The following HDAC1 variants were observed in gnomAD, a reference collection of about 807,000 sequenced individuals.
The protein encoded by HDAC1 is protein deacetylase HDAC1.
HDAC1 carries 18 observed loss-of-function variants against 65.5 expected under a neutral mutation model. That is an observed-to-expected ratio of 0.27 (90% CI 0.19 to 0.41). The LOEUF is 0.41. Ranked by LOEUF, HDAC1 falls within the 10% of genes least tolerant of loss-of-function variation. The pLI is 1.00. For missense variants in HDAC1, 373 were observed against 625.2 expected (o/e 0.60, Z 4.30); for synonymous variants, 211 against 227.9 (o/e 0.93, Z 0.67).
At chr1:32,308,124 A>G (rs1640936381) in intron 2 of HDAC1, among the ~76,000 whole-genome samples, 1 of 152,236 alleles carries the variant, frequency 6.6e-6, no homozygotes, top group African/African-American at 2.4e-5. Flanking sequence ...GTTTGAGACC[A>G]GCCTGACCAA....
intron 2 of HDAC1, among the ~76,000 whole-genome samples, chr1:32,315,847 C>A (rs548307713): frequency 9.0e-4 from 135 of 150,584 alleles, no homozygotes; most frequent in Admixed American, 2.6e-3. Context: ...CGCCTGTAAT[C>A]CCAACTACTC....
chr1:32,332,443 CCACCCCAGCCCTTTTCCCAGCACTG>C (rs1412447156), intron 12 of HDAC1, among the ~76,000 whole-genome samples: 5 of 152,222 alleles, frequency 3.3e-5, no homozygotes, highest in Non-Finnish European at 7.3e-5. Context: ...CTCTCACATA[CCACCCCAGCCCTTTTCCCAGCACTG>C]CACCCCAGTT....
chr1:32,307,040 G>A (rs1183542707), intron 2 of HDAC1, among the ~76,000 whole-genome samples: 1 of 152,172 alleles, frequency 6.6e-6, no homozygotes, highest in African/African-American at 2.4e-5. Context: ...GAGGTCAGGA[G>A]TTCGAGACCA....
At position 32,327,104 on chromosome 1, in the gene HDAC1, G is replaced by A. The variant is rs769547383; in HGVS notation, c.494+27G>A. 1.2e-6 allele frequency: 2 copies of A among 1,612,508 alleles called. No homozygotes were observed. Among genetic ancestry groups the A allele is most frequent in the East Asian group, 4.5e-5 (2 of 44,848 alleles). On this transcript the variant is annotated intron_variant, in intron 5 of 13. Coordinates refer to ENST00000373548, the MANE Select transcript of HDAC1 (RefSeq NM_004964.3). This position sits in a 1 kb window ranked among gnomAD's most constrained non-coding sequence, Gnocchi z 6.0. The stretch of plus-strand genomic sequence containing the variant: ...TATGCCTGCCTGGCCTTGTCTCTTG[G>A]AAGAGCACCTTAGGCCAGGTTCCCA...
intron 3 of HDAC1, among the ~76,000 whole-genome samples, chr1:32,321,230 CAA>C (rs112104314): frequency 1.5e-5 from 2 of 136,390 alleles, no homozygotes; most frequent in African/African-American, 2.6e-5. Flanking sequence ...GACTCTGTCT[CAA>C]AAAAAAAAAA....
chr1:32,317,364 A>AG (rs1480941018), intron 3 of HDAC1, among the ~76,000 whole-genome samples: 3 of 152,230 alleles, frequency 2.0e-5, no homozygotes, highest in South Asian at 2.1e-4. Flanking sequence ...TTTAGCTGTG[A>AG]GGGGGAAAAA....
At chr1:32,332,436 T>C (rs1051823942) in intron 12 of HDAC1, among the ~76,000 whole-genome samples, 194 bp downstream of exon 12, 4 of 152,184 alleles carry the variant, frequency 2.6e-5, no homozygotes, top group African/African-American at 9.6e-5. Context: ...AGCACGGCTC[T>C]CACATACCAC....
At chr1:32,301,211 C>T (rs1640842708) in intron 1 of HDAC1, among the ~76,000 whole-genome samples, 1 of 151,810 alleles carries the variant, frequency 6.6e-6, no homozygotes, top group African/African-American at 2.4e-5. Context: ...CTTTGGGAGG[C>T]CGAGGCGGGC....
chr1:32,304,821 C>G lies in HDAC1; in HGVS notation c.162+2088C>G, dbSNP rs112821347. Among the ~76,000 whole-genome samples, 357 of 152,272 alleles carry G rather than the reference C, an allele frequency of 2.3e-3. 2 individuals carry two copies. The highest frequency in any genetic ancestry group is 0.018 in the South Asian group (85 of 4,832). On this transcript the variant is annotated intron_variant, in intron 2 of 13. Transcript: ENST00000373548. ...CAAAGCAATCCGCCTGCCTCGGCCT[C>G]CCAAAGTGCTGGGATTACAGGCATG... is the stretch of plus-strand genomic sequence containing the variant.
At chr1:32,307,195 A>T (rs1385403782) in intron 2 of HDAC1, among the ~76,000 whole-genome samples, 1 of 152,192 alleles carries the variant, frequency 6.6e-6, no homozygotes, top group Non-Finnish European at 1.5e-5. Context: ...CAGTGAGCTG[A>T]GATCTCACCA....
intron 1 of HDAC1, among the ~76,000 whole-genome samples, chr1:32,298,174 G>A (rs1640795743): frequency 1.4e-5 from 2 of 145,256 alleles, no homozygotes; most frequent in South Asian, 2.3e-4. Flanking sequence ...TGCAACCTCC[G>A]CCTCCCAGGT....
chr1:32,321,158 G>A (rs1641137348), intron 3 of HDAC1, among the ~76,000 whole-genome samples: 1 of 149,158 alleles, frequency 6.7e-6, no homozygotes, highest in South Asian at 2.1e-4. Context: ...GTGAACCCAG[G>A]AGGCGGAGCT....
intron 2 of HDAC1, among the ~76,000 whole-genome samples, chr1:32,304,259 T>C (rs917427413): frequency 2.0e-5 from 3 of 152,162 alleles, no homozygotes; most frequent in African/African-American, 4.8e-5. Flanking sequence ...TTGTCATGTC[T>C]CTGGAGCCAG....
Position 32,330,395 on chromosome 1 carries a change from G to A in HDAC1, c.730-183G>A, listed in dbSNP as rs576849689. ...AGGGTCTTAGAGAACTTTTTAAATT[G>A]GAAAATTGAAATCCCAAGTGGGCAA... On this transcript the variant is annotated intron_variant, in intron 7 of 13. Coordinates refer to ENST00000373548, the MANE Select transcript of HDAC1 (RefSeq NM_004964.3). The surrounding 1 kb of genome is among the most constrained non-coding windows in gnomAD (Gnocchi z 4.2). The A allele has an allele frequency of 4.0e-5, 24 of 598,218 alleles. No homozygotes were observed. The African/African-American group carries it at 4.3e-4, about 11-fold the overall frequency. The allele number at this position is 598,218 out of a possible 1,614,324, so 37.1% of individuals were successfully genotyped here.
At chr1:32,319,647 A>C (rs1434638410) in intron 3 of HDAC1, among the ~76,000 whole-genome samples, 1 of 152,104 alleles carries the variant, frequency 6.6e-6, no homozygotes, top group Non-Finnish European at 1.5e-5. Context: ...CTGTAATGCC[A>C]GTGCTTTGAA....
chr1:32,333,187 C>T lies in HDAC1; in HGVS notation c.*143C>T, dbSNP rs1031317163. On this transcript the variant is annotated 3_prime_UTR_variant, in exon 14 of 14. Coordinates refer to ENST00000373548, the MANE Select transcript of HDAC1 (RefSeq NM_004964.3). ...TCCCCAGGGACAGAAACCAAGGCCC[C>T]GAGCTCAGGGCAGCTGTGCTGGGTG... 9 of 664,856 alleles carry T rather than the reference C, an allele frequency of 1.4e-5. No individual in the cohort carries two copies. Among genetic ancestry groups the T allele is most frequent in the African/African-American group, 3.7e-5 (2 of 54,166 alleles). The allele number at this position is 664,856 out of a possible 1,614,324, so 41.2% of individuals were successfully genotyped here.
At position 32,327,439 on chromosome 1, in the gene HDAC1, T is replaced by G; in HGVS notation, c.495-97T>G. ...CACGTCTCTGGTGCTTAGAGATACC[T>G]GAGGGAGGCAGCCAGCCCGGTAAGC... On this transcript the variant is annotated intron_variant, in intron 5 of 13. Transcript: ENST00000373548. The surrounding 1 kb of genome is among the most constrained non-coding windows in gnomAD (Gnocchi z 6.0). The G allele has an allele frequency of 1.1e-6, 1 of 912,780 alleles. No individual in the cohort carries two copies. Among genetic ancestry groups the G allele is most frequent in the South Asian group, 1.5e-5 (1 of 68,506 alleles). The allele number at this position is 912,780 out of a possible 1,614,324, so 56.5% of individuals were successfully genotyped here. A position where few individuals can be genotyped will look rare whatever the true frequency, so the allele number is the denominator to read the frequency against.
intron 3 of HDAC1, among the ~76,000 whole-genome samples, chr1:32,322,688 A>G (rs1396278613): frequency 6.6e-6 from 1 of 152,152 alleles, no homozygotes; most frequent in Non-Finnish European, 1.5e-5. Context: ...TATTGTTTGC[A>G]TATGTTTCCA....
chr1:32,326,149 C>T (rs1641214243), intron 4 of HDAC1, among the ~76,000 whole-genome samples: 1 of 151,976 alleles, frequency 6.6e-6, no homozygotes, highest in Admixed American at 6.6e-5. Flanking sequence ...TCAGCACTAT[C>T]TTTGGTAATT....
Sources: allele counts gnomAD v4.1 joint callset (sites outside exome capture counted in the v4.1 genomes callset), GRCh38; gene constraint gnomAD v4.1.1; non-coding constraint Gnocchi (gnomAD v3.1); transcripts MANE v1.5; gene names NCBI Gene and HGNC (gene_info 2026-07-23, HGNC 2026-07-21).